SLC15A1: variants seen among roughly 807,000 people sequenced by gnomAD.
The protein encoded by SLC15A1 is Caco-2 oligopeptide transporter.
SLC15A1 carries 83 observed loss-of-function variants against 92.9 expected under a neutral mutation model. The ratio of observed to expected loss-of-function variants is 0.89; its 90% CI spans 0.75 to 1.07. SLC15A1 has a LOEUF of 1.07. Among genes scored for constraint, SLC15A1 ranks in the 50% least tolerant of loss-of-function variants. The probability of loss-of-function intolerance (pLI) is 0.00; values close to 1 mark genes in which losing one functional copy is unlikely to be tolerated. For missense variants in SLC15A1, 857 were observed against 880.1 expected (o/e 0.97, Z 0.33); for synonymous variants, 322 against 318.2 (o/e 1.01, Z -0.13).
chr13:98,752,566 C>CCGGCCGGCCCCCCACCCGCCGAG, intron 1 of SLC15A1, 29 bp downstream of exon 1: 1 of 1,262,640 alleles, frequency 7.9e-7, no homozygotes, highest in Non-Finnish European at 1.0e-6. Context: ...AGTCTTTAGC[C>CCGGCCGGCCCCCCACCCGCCGAG]CGGCCGGCCC....
intron 14 of SLC15A1, 110 bp downstream of exon 14, chr13:98,709,462 A>G: frequency 1.3e-6 from 1 of 770,002 alleles, no homozygotes. Context: ...ATTCTTCAAA[A>G]CCCTATCCTC....
chr13:98,688,098 G>T (rs2087945037), intron 20 of SLC15A1, 150 bp downstream of exon 20: 1 of 613,902 alleles, frequency 1.6e-6, no homozygotes, highest in East Asian at 2.8e-5. Flanking sequence ...ATAAGTTAAA[G>T]AATTAGCCAA....
chr13:98,744,748 CAAAAAAAAAA>C (rs5806073), intron 1 of SLC15A1, among the ~76,000 whole-genome samples: 2 of 82,412 alleles, frequency 2.4e-5, no homozygotes, highest in South Asian at 4.7e-4. Context: ...GATTCCATCT[CAAAAAAAAAA>C]AAAAAAAAAA....
intron 18 of SLC15A1, among the ~76,000 whole-genome samples, chr13:98,692,781 T>G (rs1441080330): frequency 6.6e-6 from 1 of 152,224 alleles, no homozygotes; most frequent in Non-Finnish European, 1.5e-5. Context: ...AGTCTCACTT[T>G]GTCACCCAGG....
chr13:98,721,173 T>G, intron 7 of SLC15A1: 1 of 541,236 alleles, frequency 1.8e-6, no homozygotes, highest in Non-Finnish European at 3.7e-6. Context: ...GCCACCAGCT[T>G]GGCTTCCAAG....
At chr13:98,695,847 A>G (rs1347384150) in intron 18 of SLC15A1, among the ~76,000 whole-genome samples, 1 of 152,172 alleles carries the variant, frequency 6.6e-6, no homozygotes, top group African/African-American at 2.4e-5. Context: ...CATATTGCTC[A>G]GAAGTCTGAC....
chr13:98,710,305 T>C (rs2088151462), intron 11 of SLC15A1, among the ~76,000 whole-genome samples: 1 of 152,182 alleles, frequency 6.6e-6, no homozygotes, highest in Admixed American at 6.5e-5. Context: ...ACAAATATTA[T>C]TGTTAACAGC....
At chr13:98,688,444 G>A in intron 19 of SLC15A1, 26 bp downstream of exon 19, 1 of 1,605,432 alleles carries the variant, frequency 6.2e-7, no homozygotes, top group Non-Finnish European at 8.5e-7. Context: ...GAACCTTTGA[G>A]TGAAGCATTC....
chr13:98,689,991 C>T (rs1489750200), intron 18 of SLC15A1, among the ~76,000 whole-genome samples: 1 of 152,136 alleles, frequency 6.6e-6, no homozygotes, highest in Non-Finnish European at 1.5e-5. Context: ...GATTACAGAC[C>T]CCTTTCATAG....
intron 5 of SLC15A1, 39 bp from the exon 6 acceptor site, chr13:98,721,942 C>A (rs1173728221): frequency 4.0e-5 from 63 of 1,556,350 alleles, no homozygotes; most frequent in Non-Finnish European, 5.4e-5. Flanking sequence ...ATGGCAGATC[C>A]TCGCAAGTAG....
chr13:98,690,307 C>T (rs1566442417), intron 18 of SLC15A1, among the ~76,000 whole-genome samples: 3 of 152,132 alleles, frequency 2.0e-5, no homozygotes, highest in South Asian at 2.1e-4. Flanking sequence ...CCTGAAGTCC[C>T]GAGGCCTTCT....
chr13:98,733,334 A>G (rs1367085404), intron 1 of SLC15A1, among the ~76,000 whole-genome samples: 2 of 152,228 alleles, frequency 1.3e-5, no homozygotes, highest in Non-Finnish European at 2.9e-5. Context: ...GGTCTTTATA[A>G]TCACTACTTA....
At chr13:98,744,180 G>T (rs753096591) in intron 1 of SLC15A1, among the ~76,000 whole-genome samples, 2 of 146,192 alleles carry the variant, frequency 1.4e-5, no homozygotes, top group Admixed American at 1.4e-4. Context: ...GGTCAAGGCT[G>T]CAGTGACCTG....
intron 1 of SLC15A1, among the ~76,000 whole-genome samples, chr13:98,746,436 A>G (rs1240863414): frequency 6.6e-6 from 1 of 152,148 alleles, no homozygotes; most frequent in South Asian, 2.1e-4. Flanking sequence ...AGTTGTCACA[A>G]TGCTTTTCAC....
chr13:98,738,639 A>C (rs2088414815), intron 1 of SLC15A1, among the ~76,000 whole-genome samples: 1 of 152,256 alleles, frequency 6.6e-6, no homozygotes, highest in Non-Finnish European at 1.5e-5. Context: ...CAGACTGCAA[A>C]AGTGAGGGAG....
At chr13:98,708,823 T>C in intron 14 of SLC15A1, 56 bp from the exon 15 acceptor site, 1 of 1,366,616 alleles carries the variant, frequency 7.3e-7, no homozygotes, top group South Asian at 1.4e-5. Context: ...TGAGCTAAGC[T>C]AAACCCCCAC....
chr13:98,688,431 C>A, intron 19 of SLC15A1, 39 bp downstream of exon 19: 1 of 1,606,454 alleles, frequency 6.2e-7, no homozygotes, highest in South Asian at 1.1e-5. Context: ...AAGAAAAATT[C>A]TTGAACCTTT....
At chr13:98,703,087 C>T (rs1593986253) in intron 17 of SLC15A1, among the ~76,000 whole-genome samples, 1 of 148,612 alleles carries the variant, frequency 6.7e-6, no homozygotes, top group South Asian at 2.1e-4. Context: ...GAGTTTGAGA[C>T]CAGCCAGGCA....
At chr13:98,692,963 T>C (rs1360477762) in intron 18 of SLC15A1, among the ~76,000 whole-genome samples, 1 of 151,912 alleles carries the variant, frequency 6.6e-6, no homozygotes, top group East Asian at 1.9e-4. Flanking sequence ...GGTCTTGAAA[T>C]CCTGGGTTCA....
Sources: gnomAD v4.1 joint callset for allele counts (sites outside exome capture counted in the v4.1 genomes callset) on GRCh38, gnomAD v4.1.1 for gene constraint, MANE v1.5 for transcripts, NCBI Gene and HGNC (gene_info 2026-07-23, HGNC 2026-07-21) for gene names.